Variants in HECW1 observed in about 807,000 individuals in gnomAD.
HECW1 encodes the protein E3 ubiquitin-protein ligase HECW1.
HECW1 carries 61 observed loss-of-function variants against 182.3 expected under a neutral mutation model. The ratio of observed to expected loss-of-function variants is 0.33; its 90% confidence interval spans 0.27 to 0.41. HECW1 has a LOEUF of 0.41. Among genes scored for constraint, HECW1 ranks in the 10% least tolerant of loss-of-function variants. The pLI is 1.00. For missense variants in HECW1, 1,739 were observed against 2,108.9 expected (o/e 0.82, Z 3.44); for synonymous variants, 859 against 832.6 (o/e 1.03, Z -0.55).
At chr7:43,304,467 T>G (rs1477754232) in intron 3 of HECW1, among the ~76,000 whole-genome samples, 2 of 126,424 alleles carry the variant, frequency 1.6e-5, no homozygotes, top group African/African-American at 3.1e-5. Context: ...CAGTTATTTA[T>G]TTATTTATTT....
At chr7:43,303,632 A>G (rs890592862) in intron 3 of HECW1, among the ~76,000 whole-genome samples, 2 of 152,114 alleles carry the variant, frequency 1.3e-5, no homozygotes, top group African/African-American at 4.8e-5. Context: ...AGCCCACACA[A>G]TTTAGTTTAT....
At chr7:43,283,783 C>A (rs1257291475) in intron 3 of HECW1, among the ~76,000 whole-genome samples, 2 of 152,188 alleles carry the variant, frequency 1.3e-5, no homozygotes, top group Non-Finnish European at 2.9e-5. Context: ...AAACATAAGA[C>A]TGGACACAGC....
chr7:43,430,592 C>A (rs2076514137), intron 8 of HECW1, among the ~76,000 whole-genome samples: 1 of 151,932 alleles, frequency 6.6e-6, no homozygotes, highest in African/African-American at 2.4e-5. Flanking sequence ...GCTGTTTAAG[C>A]CGATTTGTCT....
chr7:43,322,929 A>C (rs1810318848), intron 5 of HECW1, among the ~76,000 whole-genome samples: 1 of 152,224 alleles, frequency 6.6e-6, no homozygotes, highest in Non-Finnish European at 1.5e-5. Flanking sequence ...GTGCTGGCAC[A>C]AACACAACTT....
At chr7:43,307,911 T>TAA (rs1807823432) in intron 3 of HECW1, among the ~76,000 whole-genome samples, 1 of 138,850 alleles carries the variant, frequency 7.2e-6, no homozygotes, top group Non-Finnish European at 1.5e-5. Flanking sequence ...TATATATATA[T>TAA]ATATATACAC....
In HECW1 at chr7:43,320,758, A is replaced by G. The variant is rs1222713346; in HGVS notation, c.460+16A>G. 2.5e-6 allele frequency: 4 copies of G among 1,576,282 alleles called. No individual in the cohort carries two copies. The highest frequency in any genetic ancestry group is 1.3e-5 in the African/African-American group (1 of 74,138). On this transcript the variant is annotated intron_variant, in intron 5 of 29. Coordinates refer to ENST00000395891, the MANE Select transcript of HECW1 (RefSeq NM_015052.5). ...TTTGTGGAACGTGAGTACCTTTACC[A>G]TTCTTGTGGCTTGGCAGACATGGAT...
intron 2 of HECW1, among the ~76,000 whole-genome samples, chr7:43,218,609 G>C (rs1434252482): frequency 6.6e-6 from 1 of 152,148 alleles, no homozygotes; most frequent in Non-Finnish European, 1.5e-5. Context: ...CTGGCTTTGG[G>C]CAACATTTAT....
intron 19 of HECW1, among the ~76,000 whole-genome samples, chr7:43,498,900 A>G (rs1446014918): frequency 1.3e-5 from 2 of 152,216 alleles, no homozygotes; most frequent in Non-Finnish European, 2.9e-5. Context: ...TCTCTAAGTT[A>G]TGATGAAGAT....
chr7:43,463,171 A>C (rs937354860), intron 13 of HECW1, among the ~76,000 whole-genome samples: 4 of 152,236 alleles, frequency 2.6e-5, no homozygotes, highest in African/African-American at 7.2e-5. Flanking sequence ...GAAAACATTT[A>C]TTTATTTGCC....
rs2082275626 is a variant in HECW1, at chr7:43,564,006, A to G, written c.*2080A>G. 5.3e-6 allele frequency: 1 copy of G among 188,558 alleles called. No homozygotes were observed. Among genetic ancestry groups the G allele is most frequent in the Non-Finnish European group, 1.1e-5 (1 of 89,562 alleles). 11.7% of individuals were successfully genotyped at this position (188,558 alleles called of 1,614,324 possible). ...TTTAGACTTTTATTGTCTAAAAAGA[A>G]TATTTACTGAGACAGGATGGAATCT... is the stretch of plus-strand genomic sequence containing the variant. On this transcript the variant is annotated 3_prime_UTR_variant, in exon 30 of 30. Coordinates refer to ENST00000395891, the MANE Select transcript of HECW1 (RefSeq NM_015052.5).
intron 4 of HECW1, among the ~76,000 whole-genome samples, chr7:43,318,492 A>G (rs1026914076): frequency 6.6e-6 from 1 of 152,182 alleles, no homozygotes; most frequent in African/African-American, 2.4e-5. Context: ...TTGCCCAGTC[A>G]TTTTTTTGCC....
intron 8 of HECW1, among the ~76,000 whole-genome samples, chr7:43,424,059 A>G (rs1270021997): frequency 6.6e-6 from 1 of 152,212 alleles, no homozygotes; most frequent in East Asian, 1.9e-4. Flanking sequence ...GAAATTTCAG[A>G]GATGGTAGCA....
chr7:43,259,108 C>T (rs1454383771), intron 3 of HECW1, among the ~76,000 whole-genome samples: 1 of 152,172 alleles, frequency 6.6e-6, no homozygotes, highest in African/African-American at 2.4e-5. Context: ...TCCACTTTGG[C>T]CAGGAGCAGC....
intron 2 of HECW1, chr7:43,161,694 T>C (rs1790543382): frequency 7.0e-6 from 1 of 142,092 alleles, no homozygotes; most frequent in East Asian, 1.9e-4. Flanking sequence ...GTTTCCATTA[T>C]TTTGGAGGGT....
At chr7:43,434,583 A>G (rs1478890714) in intron 8 of HECW1, among the ~76,000 whole-genome samples, 1 of 152,222 alleles carries the variant, frequency 6.6e-6, no homozygotes, top group Non-Finnish European at 1.5e-5. Context: ...TAGCTGGTCC[A>G]CAAACAGACA....
chr7:43,201,551 T>C (rs1166869539), intron 2 of HECW1, among the ~76,000 whole-genome samples: 1 of 152,260 alleles, frequency 6.6e-6, no homozygotes, highest in East Asian at 1.9e-4. Flanking sequence ...CAGCCAGTGT[T>C]CATTCATCTT....
Position 43,300,094 on chromosome 7 carries a change from G to A in HECW1, c.28-11669G>A, listed in dbSNP as rs531876358. ...GATTTCTTTCTTCTATCAATGTTGA[G>A]AGCTTGACGGAGGTGCTGGTGGGTT... On this transcript the variant is annotated intron_variant, in intron 3 of 29. Coordinates refer to ENST00000395891, the MANE Select transcript of HECW1 (RefSeq NM_015052.5). 7.9e-5 allele frequency among the ~76,000 whole-genome samples: 12 copies of A among 152,338 alleles called. No homozygotes were observed. In the East Asian group the frequency reaches 2.3e-3, roughly 29 times the overall value.
At chr7:43,134,824 G>T (rs1787348988) in intron 2 of HECW1, among the ~76,000 whole-genome samples, 1 of 152,132 alleles carries the variant, frequency 6.6e-6, no homozygotes, top group Non-Finnish European at 1.5e-5. Flanking sequence ...TACCTTTGGT[G>T]ATCATGGAGA....
chr7:43,360,451 A>T (rs1815726444), intron 5 of HECW1, among the ~76,000 whole-genome samples: 1 of 152,166 alleles, frequency 6.6e-6, no homozygotes, highest in Non-Finnish European at 1.5e-5. Flanking sequence ...GAGTTTAGAA[A>T]ATATGCCTCT....
Sources: allele counts gnomAD v4.1 joint callset (sites outside exome capture counted in the v4.1 genomes callset), GRCh38; gene constraint gnomAD v4.1.1; transcripts MANE v1.5; gene names NCBI Gene and HGNC (gene_info 2026-07-23, HGNC 2026-07-21).